Variants in LPP observed in about 807,000 individuals in gnomAD.
LPP encodes the protein LIM domain containing preferred translocation partner in lipoma.
In LPP, 38 loss-of-function variants were observed where a neutral mutation model predicts 60.4. The observed-to-expected ratio is 0.63, with a 90% CI of 0.49 to 0.83. The LOEUF is 0.83. Among genes scored for constraint, LPP ranks in the 40% least tolerant of loss-of-function variants. The pLI is 0.00. For missense variants in LPP, 902 were observed against 783.6 expected (o/e 1.15, Z -1.80); for synonymous variants, 328 against 290.8 (o/e 1.13, Z -1.30).
At chr3:188,490,006 G>GA in intron 5 of LPP, among the ~76,000 whole-genome samples, 1 of 152,266 alleles carries the variant, frequency 6.6e-6, no homozygotes, top group Middle Eastern at 3.4e-3. Flanking sequence ...CTCCACATTA[G>GA]AAAACAGAGG....
chr3:188,733,921 T>A (rs1415381254), intron 8 of LPP, among the ~76,000 whole-genome samples: 1 of 152,174 alleles, frequency 6.6e-6, no homozygotes, highest in Non-Finnish European at 1.5e-5. Flanking sequence ...ATCTGTCTTG[T>A]CCATATTCAT....
At chr3:188,307,931 G>A (rs978522099) in intron 2 of LPP, among the ~76,000 whole-genome samples, 7 of 152,244 alleles carry the variant, frequency 4.6e-5, no homozygotes, top group Admixed American at 4.6e-4. Context: ...CTGTGCTCTG[G>A]GGTGTAAGTG....
At position 188,373,056 on chromosome 3, in the gene LPP, A is replaced by G. The variant is rs560043992; in HGVS notation, c.-10+31337A>G. 1.2e-3 allele frequency among the ~76,000 whole-genome samples: 176 copies of G among 152,092 alleles called. 1 individual carries two copies. The highest frequency in any genetic ancestry group is 3.9e-3 in the African/African-American group (163 of 41,466). The stretch of plus-strand genomic sequence containing the variant: ...ATGAACTCATCATTTTTATGGCTGC[A>G]TAGTATTCCATGGTGTATATGTGTC... On this transcript the variant is annotated intron_variant, in intron 3 of 11. Transcript: ENST00000617246.
intron 6 of LPP, among the ~76,000 whole-genome samples, chr3:188,601,923 G>A (rs1231471173): frequency 6.6e-6 from 1 of 151,336 alleles, no homozygotes; most frequent in Non-Finnish European, 1.5e-5. Flanking sequence ...CACAAAATGA[G>A]CTGGCGTGGT....
intron 4 of LPP, among the ~76,000 whole-genome samples, chr3:188,419,859 A>G (rs1462418492): frequency 6.6e-6 from 1 of 152,186 alleles, no homozygotes; most frequent in Non-Finnish European, 1.5e-5. Context: ...ATTCCAGCCT[A>G]GGCGTCAGAG....
intron 7 of LPP, among the ~76,000 whole-genome samples, chr3:188,657,696 A>G (rs547682508): frequency 6.6e-6 from 1 of 152,234 alleles, no homozygotes; most frequent in Admixed American, 6.5e-5. Flanking sequence ...ACAAAGAGCT[A>G]GTCCCCAAGC....
At chr3:188,867,981 G>C (rs932058852) in intron 10 of LPP, among the ~76,000 whole-genome samples, 3 of 152,174 alleles carry the variant, frequency 2.0e-5, no homozygotes, top group Non-Finnish European at 4.4e-5. Flanking sequence ...ACCAAAAGAC[G>C]TGAGGTTGAA....
chr3:188,851,506 C>T (rs558593475), intron 9 of LPP, among the ~76,000 whole-genome samples: 7 of 152,240 alleles, frequency 4.6e-5, no homozygotes, highest in South Asian at 2.1e-4. Flanking sequence ...ATTTTGCATC[C>T]GTACTTTATG....
chr3:188,832,070 C>A (rs1295061199), intron 9 of LPP, among the ~76,000 whole-genome samples: 1 of 152,302 alleles, frequency 6.6e-6, no homozygotes, highest in East Asian at 1.9e-4. Flanking sequence ...CTTCCAATGA[C>A]CCCTGCCTCC....
chr3:188,871,393 C>T (rs1238475968), intron 10 of LPP, among the ~76,000 whole-genome samples: 2 of 152,214 alleles, frequency 1.3e-5, no homozygotes, highest in East Asian at 1.9e-4. Context: ...CATGATCCTT[C>T]TAACTTTTCT....
chr3:188,278,745 G>T (rs372900084), intron 2 of LPP, among the ~76,000 whole-genome samples: 1 of 151,970 alleles, frequency 6.6e-6, no homozygotes, highest in African/African-American at 2.4e-5. Flanking sequence ...CGAGAACTTG[G>T]GAGCAATCTA....
intron 7 of LPP, among the ~76,000 whole-genome samples, chr3:188,682,261 G>A (rs780808547): frequency 2.6e-5 from 4 of 152,126 alleles, no homozygotes; most frequent in East Asian, 1.9e-4. Context: ...AAGAAAAATT[G>A]TTTCCAATTT....
chr3:188,243,687 C>A (rs1008951496), intron 2 of LPP, among the ~76,000 whole-genome samples: 6 of 152,014 alleles, frequency 3.9e-5, no homozygotes, highest in African/African-American at 1.5e-4. Context: ...CAGCACTGAG[C>A]AAAAGGTGCT....
chr3:188,632,649 T>C (rs1176127561), intron 7 of LPP, among the ~76,000 whole-genome samples: 1 of 152,168 alleles, frequency 6.6e-6, no homozygotes, highest in African/African-American at 2.4e-5. Context: ...GCTGTTTCTG[T>C]GACAACATCT....
At chr3:188,836,537 T>G (rs1758492251) in intron 9 of LPP, among the ~76,000 whole-genome samples, 1 of 152,218 alleles carries the variant, frequency 6.6e-6, no homozygotes, top group South Asian at 2.1e-4. Flanking sequence ...CCTGCAGGAC[T>G]TTTCATTGTG....
chr3:188,704,145 G>A lies in LPP; in HGVS notation c.1114-4122G>A, dbSNP rs74785217. On this transcript the variant is annotated intron_variant, in intron 7 of 11. Coordinates refer to ENST00000617246, the MANE Select transcript of LPP (RefSeq NM_001375462.1). ...AAAAATGCATGGCACTTGGAGACAG[G>A]TGACACCATATTTTGGGCTCAAGGT... Among the ~76,000 whole-genome samples the A allele has an allele frequency of 4.9e-3, 742 of 152,214 alleles. 3 individuals are homozygous for A. The highest frequency in any genetic ancestry group is 8.7e-3 in the Non-Finnish European group (591 of 68,018).
chr3:188,230,502 G>A (rs1217350635), intron 2 of LPP, among the ~76,000 whole-genome samples: 2 of 152,162 alleles, frequency 1.3e-5, no homozygotes, highest in Non-Finnish European at 2.9e-5. Flanking sequence ...GAAAAAAATA[G>A]GCCAGGCGTA....
intron 9 of LPP, among the ~76,000 whole-genome samples, chr3:188,848,162 G>C (rs540914273): frequency 6.6e-6 from 1 of 152,304 alleles, no homozygotes; most frequent in East Asian, 1.9e-4. Flanking sequence ...AGTCATTTGA[G>C]ATTTATGATC....
chr3:188,462,563 T>TAGCTCATATA (rs1799285714), intron 4 of LPP, among the ~76,000 whole-genome samples: 1 of 43,560 alleles, frequency 2.3e-5, no homozygotes, highest in African/African-American at 7.5e-5. Flanking sequence ...TATATATATA[T>TAGCTCATATA]ATATATATAT....
Sources: allele counts gnomAD v4.1 joint callset (sites outside exome capture counted in the v4.1 genomes callset), GRCh38; gene constraint gnomAD v4.1.1; transcripts MANE v1.5; gene names NCBI Gene and HGNC (gene_info 2026-07-23, HGNC 2026-07-21).